WDR11: variants seen among roughly 807,000 people sequenced by gnomAD.
The protein encoded by WDR11 is WD repeat domain 11, also known as WD repeat-containing protein 11.
WDR11 carries 83 observed loss-of-function variants against 151.2 expected under a neutral mutation model. The observed-to-expected ratio is 0.55, with a 90% CI of 0.46 to 0.66. WDR11 has a LOEUF of 0.66. WDR11 is among the 30% of genes least tolerant of loss of function. The probability of loss-of-function intolerance (pLI) is 0.00; values close to 1 mark genes in which losing one functional copy is unlikely to be tolerated. For missense variants in WDR11, 1,301 were observed against 1,480.9 expected, an observed-to-expected ratio of 0.88 and a Z score of 1.99; for synonymous variants, 484 against 533.1, an observed-to-expected ratio of 0.91 and a Z score of 1.27.
rs56313694 is a variant in WDR11, at chr10:120,878,127, G to A, written c.1557-226G>A. 0.061 allele frequency among the ~76,000 whole-genome samples: 9,344 copies of A among 152,114 alleles called. 968 individuals carry two copies. Among genetic ancestry groups the A allele is most frequent in the African/African-American group, 0.21 (8,812 of 41,486 alleles). On this transcript the variant is annotated intron_variant, in intron 11 of 28. Transcript: ENST00000263461. ...TGAATCCTGATAATTAAACTATCTT[G>A]TCATTACATTTGTAGATAAAGTTTT...
At chr10:120,905,817 T>A in intron 26 of WDR11, 59 bp from the exon 27 acceptor site, 2 of 1,613,954 alleles carry the variant, frequency 1.2e-6, no homozygotes, top group Non-Finnish European at 1.7e-6. Context: ...AACTGAATTA[T>A]TATTTTTTCT....
intron 2 of WDR11, 145 bp downstream of exon 2, chr10:120,852,780 A>G (rs1845825569): frequency 1.4e-6 from 1 of 694,610 alleles, no homozygotes; most frequent in Non-Finnish European, 2.5e-6. Flanking sequence ...TAGAATTTTC[A>G]TATATATGAC....
chr10:120,875,335 G>T (rs1342127019), intron 11 of WDR11, among the ~76,000 whole-genome samples: 1 of 152,216 alleles, frequency 6.6e-6, no homozygotes. Flanking sequence ...TTCTGTGTAT[G>T]CAGAGCTGTC....
At chr10:120,868,589 A>G (rs1386862134) in intron 9 of WDR11, 2 of 152,244 alleles carry the variant, frequency 1.3e-5, no homozygotes, top group African/African-American at 4.8e-5. Flanking sequence ...TGTAAGTAAT[A>G]TTATCTCCAT....
intron 1 of WDR11, chr10:120,852,285 C>T (rs1478779277): frequency 6.4e-6 from 3 of 471,632 alleles, no homozygotes; most frequent in Admixed American, 6.8e-5. Flanking sequence ...CCTCGGGTCT[C>T]TATTTTCATA....
chr10:120,879,487 T>C (rs896571987), intron 12 of WDR11: 3 of 152,174 alleles, frequency 2.0e-5, no homozygotes, highest in African/African-American at 7.2e-5. Flanking sequence ...TGTTGTCTAG[T>C]ATCATTGACT....
At chr10:120,874,176 G>GTTTTTTTTTTT (rs66873217) in intron 11 of WDR11, among the ~76,000 whole-genome samples, 69 of 83,450 alleles carry the variant, frequency 8.3e-4, no homozygotes, top group Middle Eastern at 7.0e-3. Flanking sequence ...GGTTTTTGCA[G>GTTTTTTTTTTT]TTTTTTTTTT....
chr10:120,878,968 T>A (rs569921414), intron 12 of WDR11: 1 of 152,484 alleles, frequency 6.6e-6, no homozygotes, highest in Admixed American at 6.5e-5. Flanking sequence ...CCCAATAAGG[T>A]AACTTTTTCA....
chr10:120,871,758 GTTC>G (rs1331723480), intron 10 of WDR11, among the ~76,000 whole-genome samples: 12 of 152,112 alleles, frequency 7.9e-5, no homozygotes, highest in Non-Finnish European at 1.8e-4. Flanking sequence ...TAATAGCAGG[GTTC>G]TTCTTTTGCC....
intron 20 of WDR11, among the ~76,000 whole-genome samples, chr10:120,900,748 C>T (rs1182067596): frequency 1.3e-5 from 2 of 152,160 alleles, no homozygotes; most frequent in Non-Finnish European, 2.9e-5. Flanking sequence ...TAAAAGGAAT[C>T]TAAACCTGAT....
At chr10:120,889,211 A>G (rs751060232) in intron 17 of WDR11, 27 bp downstream of exon 17, 1 of 1,484,976 alleles carries the variant, frequency 6.7e-7, no homozygotes, top group South Asian at 1.1e-5. Context: ...AAATCTTGTT[A>G]TTTCATTAAA....
chr10:120,892,882 C>T (rs1041571223), intron 19 of WDR11, among the ~76,000 whole-genome samples: 9 of 152,066 alleles, frequency 5.9e-5, no homozygotes, highest in African/African-American at 2.2e-4. Context: ...TTAGCAGCAT[C>T]TAAAAGGAAT....
intron 19 of WDR11, among the ~76,000 whole-genome samples, chr10:120,894,462 G>T (rs569619641): frequency 6.6e-6 from 1 of 152,100 alleles, no homozygotes; most frequent in Non-Finnish European, 1.5e-5. Flanking sequence ...AACCTGGAAC[G>T]ATCTGGCGCA....
chr10:120,875,873 A>C (rs374727523), intron 11 of WDR11, among the ~76,000 whole-genome samples: 8 of 152,100 alleles, frequency 5.3e-5, no homozygotes, highest in South Asian at 2.1e-4. Context: ...TCTGTACATT[A>C]AATAATTGTA....
chr10:120,876,740 T>C (rs937612196), intron 11 of WDR11, among the ~76,000 whole-genome samples: 2 of 152,238 alleles, frequency 1.3e-5, no homozygotes, highest in African/African-American at 4.8e-5. Flanking sequence ...CTAGGGATTA[T>C]GTTAACTATT....
In WDR11 at chr10:120,892,252, G is replaced by A. The variant is rs529886136; in HGVS notation, c.2515+1365G>A. Among the ~76,000 whole-genome samples the A allele has an allele frequency of 1.1e-4, 16 of 152,176 alleles. No individual in the cohort carries two copies. The South Asian group carries it at 3.1e-3, about 30-fold the overall frequency. ...GTTCAATACCATACTTGAACATCTG[G>A]CCTGTGGCCAGATTTTAGATCACAT... On this transcript the variant is annotated intron_variant, in intron 19 of 28. Coordinates refer to ENST00000263461, the MANE Select transcript of WDR11 (RefSeq NM_018117.12).
chr10:120,900,016 C>A lies in WDR11; in HGVS notation c.2516-13C>A, dbSNP rs1180608375. The A allele has an allele frequency of 1.2e-6, 2 of 1,605,794 alleles. No homozygotes were observed. Among genetic ancestry groups the A allele is most frequent in the African/African-American group, 2.7e-5 (2 of 74,706 alleles). On this transcript the variant is annotated splice_polypyrimidine_tract_variant and intron_variant, in intron 19 of 28. Transcript: ENST00000263461. The stretch of plus-strand genomic sequence containing the variant: ...CTTCATTTTATTTTTAAAAACCTTT[C>A]TTTGTTGTCTAGAGCCTGTGTGGTG...
At chr10:120,879,972 A>G (rs1250214268) in intron 12 of WDR11, 2 of 152,208 alleles carry the variant, frequency 1.3e-5, no homozygotes, top group Admixed American at 6.5e-5. Flanking sequence ...ATACATGAAC[A>G]CCGTAGTTAT....
chr10:120,884,114 T>C (rs537422426), intron 14 of WDR11, among the ~76,000 whole-genome samples: 1 of 152,272 alleles, frequency 6.6e-6, no homozygotes, highest in South Asian at 2.1e-4. Flanking sequence ...ATTTGGATAT[T>C]TTGAGGAATA....
Sources: allele counts gnomAD v4.1 joint callset (sites outside exome capture counted in the v4.1 genomes callset), GRCh38; gene constraint gnomAD v4.1.1; transcripts MANE v1.5; gene names NCBI Gene and HGNC (gene_info 2026-07-23, HGNC 2026-07-21).